Variants in CACNA1C observed in about 807,000 individuals in gnomAD.
CACNA1C encodes voltage-dependent L-type calcium channel subunit alpha-1C.
Under a neutral mutation model 229.0 loss-of-function variants are expected in CACNA1C, and 30 were observed. The ratio of observed to expected loss-of-function variants is 0.13; its 90% CI spans 0.10 to 0.18. CACNA1C has a LOEUF of 0.18. CACNA1C is among the 10% of genes least tolerant of loss of function. CACNA1C has a pLI of 1.00. For missense variants in CACNA1C, 1,658 were observed against 2,845.0 expected (o/e 0.58, Z 9.49); for synonymous variants, 1,114 against 1,132.5 (o/e 0.98, Z 0.33).
chr12:2,188,823 T>A (rs191740219), intron 3 of CACNA1C, among the ~76,000 whole-genome samples: 68 of 152,222 alleles, frequency 4.5e-4, no homozygotes, highest in Admixed American at 1.3e-3. Context: ...CCAGGCACGG[T>A]GTCTCACGCC....
chr12:2,611,707 A>G (rs2077890184), intron 28 of CACNA1C, among the ~76,000 whole-genome samples, 196 bp from the exon 29 acceptor site: 1 of 152,128 alleles, frequency 6.6e-6, no homozygotes, highest in South Asian at 2.1e-4. Context: ...GTGTTCAGAG[A>G]TGGCAGAGCA....
intron 3 of CACNA1C, among the ~76,000 whole-genome samples, chr12:2,184,064 C>A (rs1056112040): frequency 6.6e-6 from 1 of 152,146 alleles, no homozygotes; most frequent in Non-Finnish European, 1.5e-5. Flanking sequence ...CAGGAATCTC[C>A]TCTCTTTTCT....
intron 3 of CACNA1C, among the ~76,000 whole-genome samples, chr12:2,259,745 G>A (rs1019249972): frequency 6.6e-6 from 1 of 152,164 alleles, no homozygotes; most frequent in African/African-American, 2.4e-5. Context: ...TACAGCCTGG[G>A]CAATGTAGCA....
chr12:2,549,840 C>A, intron 9 of CACNA1C, 103 bp from the exon 10 acceptor site: 1 of 803,716 alleles, frequency 1.2e-6, no homozygotes, highest in Non-Finnish European at 2.1e-6. Flanking sequence ...TTTCTGCCAA[C>A]CCGCACTGGG....
intron 38 of CACNA1C, 112 bp downstream of exon 38, chr12:2,669,147 T>C: frequency 1.3e-6 from 1 of 793,408 alleles, no homozygotes; most frequent in South Asian, 1.4e-5. Context: ...CCAGACAGCA[T>C]CCGAGCTGGG....
intron 3 of CACNA1C, among the ~76,000 whole-genome samples, chr12:2,439,855 G>A (rs2099201098): frequency 6.6e-6 from 1 of 152,084 alleles, no homozygotes; most frequent in Non-Finnish European, 1.5e-5. Context: ...GCTATTAGTG[G>A]TTTTCCCTGT....
intron 1 of CACNA1C, among the ~76,000 whole-genome samples, chr12:1,994,587 G>C (rs1337478573): frequency 6.6e-6 from 1 of 152,210 alleles, no homozygotes; most frequent in Non-Finnish European, 1.5e-5. Flanking sequence ...AAAGAGCTCT[G>C]TTAGGGGTCT....
intron 3 of CACNA1C, among the ~76,000 whole-genome samples, chr12:2,204,196 T>C (rs376970248): frequency 0.011 from 1,603 of 152,196 alleles, 25 homozygotes; most frequent in African/African-American, 0.036. Context: ...ATTTCTCTGA[T>C]GGCCAGTGAT....
Position 2,651,583 on chromosome 12 carries a change from T to C in CACNA1C, c.3946-57T>C. 1 of 1,613,660 alleles carries C rather than the reference T, an allele frequency of 6.2e-7. No individual in the cohort carries two copies. The highest frequency in any genetic ancestry group is 8.5e-7 in the Non-Finnish European group (1 of 1,179,682). On this transcript the variant is annotated intron_variant, in intron 31 of 46. Coordinates refer to ENST00000399655, the MANE Select transcript of CACNA1C (RefSeq NM_000719.7). The surrounding 1 kb of genome is among the most constrained non-coding windows in gnomAD (Gnocchi z 5.4). ...TCTGTATTTCTCGGAGGGGCCCTCCTGTTCTCACCCCCCTCTTGCTGTGCT... is the reference window on the plus strand; with the variant it reads ...TCTGTATTTCTCGGAGGGGCCCTCCCGTTCTCACCCCCCTCTTGCTGTGCT...
At chr12:2,213,918 T>C (rs1265314890) in intron 3 of CACNA1C, among the ~76,000 whole-genome samples, 1 of 152,238 alleles carries the variant, frequency 6.6e-6, no homozygotes, top group Admixed American at 6.5e-5. Flanking sequence ...ACCTCAAGAT[T>C]TGAGCCGGTT....
Position 2,067,610 on chromosome 12 carries a change from C to T in CACNA1C, c.49+13999C>T, listed in dbSNP as rs1291975000. Among the ~76,000 whole-genome samples the T allele has an allele frequency of 6.6e-6, 1 of 152,082 alleles. No individual in the cohort carries two copies. Among genetic ancestry groups the T allele is most frequent in the Non-Finnish European group, 1.5e-5 (1 of 68,008 alleles). ...CAGAGAGAGCTCGTGGTGTGCAGCCCTGAGGTCACGTTTGTGACGTGGATG... is the reference window on the plus strand; with the variant it reads ...CAGAGAGAGCTCGTGGTGTGCAGCCTTGAGGTCACGTTTGTGACGTGGATG... On this transcript the variant is annotated intron_variant, in intron 1 of 46. Transcript: ENST00000399655. The surrounding 1 kb of genome is among the most constrained non-coding windows in gnomAD (Gnocchi z 5.3).
intron 3 of CACNA1C, among the ~76,000 whole-genome samples, chr12:2,311,486 T>A (rs555430923): frequency 3.1e-4 from 47 of 152,246 alleles, no homozygotes; most frequent in Non-Finnish European, 5.4e-4. Context: ...CAGAAAACAG[T>A]GAAACGGGAA....
At position 2,602,891 on chromosome 12, in the gene CACNA1C, C is replaced by T. The variant is rs139167222; in HGVS notation, c.2960+931C>T. The stretch of plus-strand genomic sequence containing the variant: ...TTCTGTGGTCCTCACACACACAAAA[C>T]GATGGGGGAGACGGGGCAAGTGTTA... On this transcript the variant is annotated intron_variant, in intron 22 of 46. Transcript: ENST00000399655. This position sits in a 1 kb window ranked among gnomAD's most constrained non-coding sequence, Gnocchi z 4.4. 3.3e-3 allele frequency among the ~76,000 whole-genome samples: 507 copies of T among 152,220 alleles called. 2 individuals carry two copies. The highest frequency in any genetic ancestry group is 8.7e-3 in the East Asian group (45 of 5,182).
intron 7 of CACNA1C, among the ~76,000 whole-genome samples, chr12:2,496,301 T>C (rs1440848298): frequency 6.6e-6 from 1 of 152,082 alleles, no homozygotes; most frequent in African/African-American, 2.4e-5. Flanking sequence ...GAGGGGGAAA[T>C]AAGGCCTTTC....
intron 3 of CACNA1C, among the ~76,000 whole-genome samples, chr12:2,360,940 C>T (rs1002191400): frequency 8.5e-5 from 13 of 152,050 alleles, no homozygotes; most frequent in African/African-American, 1.4e-4. Flanking sequence ...GTAGGCCTGC[C>T]GTTCACCACA....
At chr12:2,255,322 G>C (rs2077022360) in intron 3 of CACNA1C, among the ~76,000 whole-genome samples, 1 of 152,168 alleles carries the variant, frequency 6.6e-6, no homozygotes, top group Non-Finnish European at 1.5e-5. Flanking sequence ...CCCAGGTGTG[G>C]GAGTTCTCAG....
intron 1 of CACNA1C, among the ~76,000 whole-genome samples, chr12:2,037,849 T>C (rs73044436): frequency 0.051 from 7,699 of 152,240 alleles, 269 homozygotes; most frequent in Middle Eastern, 0.078. Flanking sequence ...AGAATCTGTA[T>C]TTTAAAAATA....
intron 3 of CACNA1C, among the ~76,000 whole-genome samples, chr12:2,333,950 G>T (rs2096622170): frequency 6.6e-6 from 1 of 152,206 alleles, no homozygotes; most frequent in Non-Finnish European, 1.5e-5. Context: ...TTGGTGACTA[G>T]GTCAGTCTTC....
In CACNA1C at chr12:2,504,354, C is replaced by G; in HGVS notation, c.1114-488C>G. ...ACGTTCAGCCCCGTCTGTCCCCTCCCAATCTGCTCACACCTGCTGCCTGCC... is the reference window on the plus strand; with the variant it reads ...ACGTTCAGCCCCGTCTGTCCCCTCCGAATCTGCTCACACCTGCTGCCTGCC... On this transcript the variant is annotated intron_variant, in intron 7 of 46. Coordinates refer to ENST00000399655, the MANE Select transcript of CACNA1C (RefSeq NM_000719.7). The surrounding 1 kb of genome is among the most constrained non-coding windows in gnomAD (Gnocchi z 6.8). 1 of 786,028 alleles carries G rather than the reference C, an allele frequency of 1.3e-6. No homozygotes were observed. The highest frequency in any genetic ancestry group is 1.5e-5 in the South Asian group (1 of 68,280). The allele number at this position is 786,028 out of a possible 1,614,324, so 48.7% of individuals were successfully genotyped here.
Sources: allele counts gnomAD v4.1 joint callset (sites outside exome capture counted in the v4.1 genomes callset), GRCh38; gene constraint gnomAD v4.1.1; non-coding constraint Gnocchi (gnomAD v3.1); transcripts MANE v1.5; gene names NCBI Gene and HGNC (gene_info 2026-07-23, HGNC 2026-07-21).